The following PEX5L variants were observed in gnomAD, a reference collection of about 807,000 sequenced individuals.
The protein encoded by PEX5L is peroxisomal biogenesis factor 5 like.
Under a neutral mutation model 84.0 loss-of-function variants are expected in PEX5L, and 30 were observed. That is an observed-to-expected ratio of 0.36 (90% CI 0.27 to 0.48). The LOEUF (loss-of-function observed/expected upper bound fraction) is 0.48, where lower values mean the gene tolerates loss of function less well. PEX5L is among the 20% of genes least tolerant of loss of function. The pLI, the probability that PEX5L is intolerant of heterozygous loss-of-function variation, is 0.99. For missense variants in PEX5L, 533 were observed against 754.6 expected (o/e 0.71, Z 3.44); for synonymous variants, 270 against 283.1 (o/e 0.95, Z 0.46).
chr3:179,878,621 C>A (rs1753215598), intron 5 of PEX5L, among the ~76,000 whole-genome samples: 2 of 152,304 alleles, frequency 1.3e-5, no homozygotes, highest in African/African-American at 4.8e-5. Flanking sequence ...CCTTTCTGCA[C>A]CAGGGATACC....
intron 8 of PEX5L, among the ~76,000 whole-genome samples, chr3:179,828,005 C>T (rs577730870): frequency 1.3e-5 from 2 of 152,242 alleles, no homozygotes; most frequent in Non-Finnish European, 2.9e-5. Flanking sequence ...CTGATTGCCT[C>T]TACATCTGAC....
intron 1 of PEX5L, among the ~76,000 whole-genome samples, chr3:180,030,517 G>A (rs1003584886): frequency 2.0e-5 from 3 of 152,082 alleles, no homozygotes; most frequent in African/African-American, 7.2e-5. Context: ...AGTCATCATG[G>A]TCTCCTTGAG....
chr3:179,928,926 T>G (rs1772224924), intron 2 of PEX5L, among the ~76,000 whole-genome samples: 1 of 152,234 alleles, frequency 6.6e-6, no homozygotes, highest in South Asian at 2.1e-4. Context: ...CTCCTTAGTC[T>G]GATGACTGAA....
intron 8 of PEX5L, among the ~76,000 whole-genome samples, chr3:179,848,814 G>A (rs932382479): frequency 2.0e-5 from 3 of 152,192 alleles, no homozygotes; most frequent in African/African-American, 4.8e-5. Flanking sequence ...AGTGGGGATG[G>A]TGGTGCTGTG....
At chr3:179,835,009 GATGGCCTGT>G (rs1468840165) in intron 8 of PEX5L, among the ~76,000 whole-genome samples, 1 of 152,196 alleles carries the variant, frequency 6.6e-6, no homozygotes, top group East Asian at 1.9e-4. Flanking sequence ...ATAGAAGGAA[GATGGCCTGT>G]GAAGATGGAG....
At chr3:179,941,333 C>G (rs954742049) in intron 2 of PEX5L, among the ~76,000 whole-genome samples, 5 of 152,226 alleles carry the variant, frequency 3.3e-5, no homozygotes, top group African/African-American at 1.2e-4. Context: ...TAAACAAGAA[C>G]TCTTGCCCTT....
At chr3:179,802,550 A>AAAAAG (rs758474995) in intron 14 of PEX5L, among the ~76,000 whole-genome samples, 10,246 of 129,150 alleles carry the variant, frequency 0.079, 458 homozygotes, top group South Asian at 0.14. Context: ...AAAAAAAAAA[A>AAAAAG]AAAAGAAAAG....
intron 2 of PEX5L, among the ~76,000 whole-genome samples, chr3:179,941,937 C>T (rs945131938): frequency 4.0e-4 from 57 of 142,420 alleles, no homozygotes; most frequent in African/African-American, 1.5e-3. Context: ...AGGAGAATCG[C>T]TTGAACCCGG....
At chr3:179,882,863 G>A (rs1754572478) in intron 4 of PEX5L, among the ~76,000 whole-genome samples, 1 of 152,120 alleles carries the variant, frequency 6.6e-6, no homozygotes, top group Non-Finnish European at 1.5e-5. Flanking sequence ...AAGGCAGGAG[G>A]ATCGCTCGAA....
chr3:179,967,559 C>T (rs1783660032), intron 2 of PEX5L, among the ~76,000 whole-genome samples: 1 of 152,040 alleles, frequency 6.6e-6, no homozygotes, highest in Non-Finnish European at 1.5e-5. Flanking sequence ...ACCAGATTTC[C>T]ATGTGGATTT....
intron 2 of PEX5L, among the ~76,000 whole-genome samples, chr3:179,936,866 G>T (rs1774738967): frequency 9.4e-6 from 1 of 106,000 alleles, no homozygotes; most frequent in African/African-American, 3.5e-5. Flanking sequence ...CTGAGATTTA[G>T]TCTGGGCTTT....
intron 1 of PEX5L, among the ~76,000 whole-genome samples, chr3:179,989,108 G>C (rs1787144784): frequency 6.6e-6 from 1 of 152,130 alleles, no homozygotes; most frequent in African/African-American, 2.4e-5. Context: ...TCCGTGGTAG[G>C]GATAATTCTG....
chr3:179,847,155 T>C (rs755610995), intron 8 of PEX5L, among the ~76,000 whole-genome samples: 25 of 151,902 alleles, frequency 1.6e-4, no homozygotes, highest in Admixed American at 3.9e-4. Context: ...TATATTGATA[T>C]ATCTCCTATT....
intron 1 of PEX5L, among the ~76,000 whole-genome samples, chr3:180,021,995 T>C (rs1364008357): frequency 6.6e-6 from 1 of 152,224 alleles, no homozygotes; most frequent in African/African-American, 2.4e-5. Context: ...TTCCTTGATA[T>C]AACACAGAAC....
intron 2 of PEX5L, among the ~76,000 whole-genome samples, chr3:179,942,017 C>CA (rs11447396): frequency 0.4 from 35,500 of 88,826 alleles, 7,777 homozygotes; most frequent in Non-Finnish European, 0.44. Flanking sequence ...TGAGACTCCT[C>CA]AAAAAAAAAA....
In PEX5L at chr3:179,971,643, C is replaced by T. The variant is rs891073093; in HGVS notation, c.44G>A (p.Gly15Glu). The change falls in exon 2 of 15, where the codon GGA (glycine) becomes GAA (glutamate). Residue 15 changes from glycine to glutamate, a missense_variant. Transcript: ENST00000467460. ...HMQKSKEQGY[G>E]KLSSDEDLEI... is the part of the protein sequence containing the mutation. ...GAGGTCTTCATCACTGCTTAGTTTT[C>T]CATATCCTTGTTCTTTACTTTTCTT... is the stretch of plus-strand genomic sequence containing the variant. 6.2e-7 allele frequency: 1 copy of T among 1,606,708 alleles called. No individual in the cohort carries two copies. The highest frequency in any genetic ancestry group is 1.7e-5 in the Admixed American group (1 of 58,866).
At position 179,837,263 on chromosome 3, in the gene PEX5L, C is replaced by T. The variant is rs185233681; in HGVS notation, c.823-17287G>A. Among the ~76,000 whole-genome samples the T allele has an allele frequency of 2.0e-5, 3 of 152,276 alleles. No homozygotes were observed. The East Asian group carries it at 5.8e-4, about 29-fold the overall frequency. The stretch of plus-strand genomic sequence containing the variant: ...TCTCATTCCTTATATGTAGGCCACA[C>T]TGAGTTTACCAAAGTACCTGATGCC... On this transcript the variant is annotated intron_variant, in intron 8 of 14. Coordinates refer to ENST00000467460, the MANE Select transcript of PEX5L (RefSeq NM_016559.3).
At position 180,014,052 on chromosome 3, in the gene PEX5L, T is replaced by A. The variant is rs185020623; in HGVS notation, c.21+22527A>T. 3.0e-4 allele frequency among the ~76,000 whole-genome samples: 46 copies of A among 152,138 alleles called. No individual in the cohort carries two copies. The East Asian group carries it at 7.7e-3, about 26-fold the overall frequency. The stretch of plus-strand genomic sequence containing the variant: ...TGGCACCATTGGGTGGGAAAGGGAG[T>A]AATGCATCCATGCTCATGCCCTTGA... On this transcript the variant is annotated intron_variant, in intron 1 of 14. Transcript: ENST00000467460.
At chr3:180,027,001 C>A (rs537429797) in intron 1 of PEX5L, among the ~76,000 whole-genome samples, 2 of 152,280 alleles carry the variant, frequency 1.3e-5, no homozygotes, top group Admixed American at 1.3e-4. Flanking sequence ...ACCAATCAGC[C>A]GTATCTGCCC....
Sources: allele counts gnomAD v4.1 joint callset (sites outside exome capture counted in the v4.1 genomes callset), GRCh38; gene constraint gnomAD v4.1.1; transcripts MANE v1.5; gene names NCBI Gene and HGNC (gene_info 2026-07-23, HGNC 2026-07-21).